Variants in ANTXR1 observed in about 807,000 individuals in gnomAD.
The protein encoded by ANTXR1 is ANTXR cell adhesion molecule 1.
Under a neutral mutation model 78.1 loss-of-function variants are expected in ANTXR1, and 19 were observed. That is an observed-to-expected ratio of 0.24 (90% CI 0.17 to 0.36). ANTXR1 has a LOEUF of 0.36. ANTXR1 is among the 10% of genes least tolerant of loss of function. The pLI, the probability that ANTXR1 is intolerant of heterozygous loss-of-function variation, is 1.00. For synonymous variants in ANTXR1, 273 were observed against 260.5 expected (o/e 1.05, Z -0.46); for missense variants, 518 against 718.6 (o/e 0.72, Z 3.19).
intron 14 of ANTXR1, among the ~76,000 whole-genome samples, chr2:69,174,704 A>T (rs535564506): frequency 2.6e-5 from 4 of 152,356 alleles, no homozygotes; most frequent in South Asian, 2.1e-4. Context: ...TCAGGAAGAA[A>T]GGCAGAGATT....
At chr2:69,232,511 A>G (rs903326567) in intron 17 of ANTXR1, among the ~76,000 whole-genome samples, 29 of 152,094 alleles carry the variant, frequency 1.9e-4, no homozygotes, top group South Asian at 1.4e-3. Context: ...AAAAAAAAAA[A>G]AAGCACTTTG....
intron 17 of ANTXR1, among the ~76,000 whole-genome samples, chr2:69,200,044 A>G (rs1486413267): frequency 6.6e-6 from 1 of 152,178 alleles, no homozygotes; most frequent in African/African-American, 2.4e-5. Context: ...GATGGAATTC[A>G]ATCATCTACC....
intron 16 of ANTXR1, 98 bp downstream of exon 16, chr2:69,182,758 A>C: frequency 2.0e-6 from 3 of 1,492,802 alleles, no homozygotes; most frequent in Non-Finnish European, 2.8e-6. Context: ...CCCAACCTAA[A>C]ACCCAGCTTA....
chr2:69,208,133 G>T (rs1297718438), intron 17 of ANTXR1, among the ~76,000 whole-genome samples: 1 of 152,226 alleles, frequency 6.6e-6, no homozygotes, highest in African/African-American at 2.4e-5. Flanking sequence ...TTGACTTGTA[G>T]CTTGGCTTTC....
rs758089145 is a variant in ANTXR1 at position 69,245,318 on chromosome 2, C to T, written c.1528C>T (p.Pro510Ser). 1 of 1,608,900 alleles carries T rather than the reference C, an allele frequency of 6.2e-7. No homozygotes were observed. Among genetic ancestry groups the T allele is most frequent in the Non-Finnish European group, 8.5e-7 (1 of 1,178,150 alleles). The change falls in exon 18 of 18, where the codon CCC (proline) becomes TCC (serine). Residue 510 changes from proline (P) to serine (S), a missense_variant. Around this residue, in one of 5 missense-constraint regions of ANTXR1, gnomAD observed 192 missense variants for 230.2 expected, o/e 0.83. Coordinates refer to ENST00000303714, the MANE Select transcript of ANTXR1 (RefSeq NM_032208.3). ...CCACACCTCCTCGCCGCCTCCTGCC[C>T]CCATCTACACTCCCCCACCTCCTGC... ...AYHTSSPPPA[P>S]IYTPPPPAPH...
intron 13 of ANTXR1, among the ~76,000 whole-genome samples, chr2:69,155,513 T>G (rs546578761): frequency 6.6e-6 from 1 of 152,320 alleles, no homozygotes; most frequent in East Asian, 1.9e-4. Flanking sequence ...CTCCAGCTAC[T>G]CATAAGTTTG....
intron 11 of ANTXR1, among the ~76,000 whole-genome samples, chr2:69,124,070 A>G (rs1335942808): frequency 1.3e-5 from 2 of 152,208 alleles, no homozygotes; most frequent in Non-Finnish European, 2.9e-5. Flanking sequence ...GTGGGAAGAG[A>G]TGGAAGACAA....
intron 10 of ANTXR1, among the ~76,000 whole-genome samples, chr2:69,117,543 A>T (rs1353215542): frequency 6.6e-6 from 1 of 152,140 alleles, no homozygotes; most frequent in Non-Finnish European, 1.5e-5. Flanking sequence ...TCATTTCCCT[A>T]TTAATTCCTG....
chr2:69,135,476 A>G (rs937198230), intron 12 of ANTXR1, among the ~76,000 whole-genome samples: 2 of 152,168 alleles, frequency 1.3e-5, no homozygotes, highest in African/African-American at 4.8e-5. Flanking sequence ...ATATCCAGCT[A>G]TGTGTGATTT....
chr2:69,100,407 C>T (rs1671570172), intron 9 of ANTXR1, among the ~76,000 whole-genome samples: 1 of 152,290 alleles, frequency 6.6e-6, no homozygotes, highest in African/African-American at 2.4e-5. Flanking sequence ...TCCACCGTCT[C>T]CCCCTGGCCT....
At chr2:69,153,731 T>C (rs1161597124) in intron 13 of ANTXR1, among the ~76,000 whole-genome samples, 1 of 152,202 alleles carries the variant, frequency 6.6e-6, no homozygotes, top group Non-Finnish European at 1.5e-5. Flanking sequence ...AGTGGGTTCT[T>C]AAAGAAGAGT....
At chr2:69,165,018 C>T (rs188343262) in intron 13 of ANTXR1, among the ~76,000 whole-genome samples, 3 of 152,322 alleles carry the variant, frequency 2.0e-5, no homozygotes, top group African/African-American at 7.2e-5. Flanking sequence ...ATTCACAGTT[C>T]TCAAAGTGTG....
At chr2:69,057,739 C>T (rs2104148172) in intron 3 of ANTXR1, among the ~76,000 whole-genome samples, 1 of 152,266 alleles carries the variant, frequency 6.6e-6, no homozygotes, top group East Asian at 1.9e-4. Flanking sequence ...TTGCAAGTTC[C>T]TCACTTTAAA....
At chr2:69,145,947 C>T in intron 12 of ANTXR1, 1 of 985,568 alleles carries the variant, frequency 1.0e-6, no homozygotes, top group Non-Finnish European at 1.2e-6. Flanking sequence ...AAATGTATAC[C>T]TTTGAGAACA....
At chr2:69,165,194 A>G (rs867931087) in intron 13 of ANTXR1, among the ~76,000 whole-genome samples, 41 of 152,238 alleles carry the variant, frequency 2.7e-4, no homozygotes, top group African/African-American at 9.6e-4. Context: ...AAATTAGAGG[A>G]CAAATGCTTC....
At chr2:69,090,348 A>T (rs1321823257) in intron 8 of ANTXR1, among the ~76,000 whole-genome samples, 3 of 151,748 alleles carry the variant, frequency 2.0e-5, no homozygotes, top group African/African-American at 7.3e-5. Flanking sequence ...CCCTGCCTGG[A>T]CCCTAATCCT....
chr2:69,195,680 G>T (rs1032502412), intron 17 of ANTXR1, among the ~76,000 whole-genome samples: 4 of 152,088 alleles, frequency 2.6e-5, no homozygotes, highest in African/African-American at 9.7e-5. Context: ...ACTCTGGGAG[G>T]TGTTTGGTCT....
At chr2:69,042,141 CAGTACA>C (rs1669631495) in intron 2 of ANTXR1, among the ~76,000 whole-genome samples, 1 of 152,262 alleles carries the variant, frequency 6.6e-6, no homozygotes, top group South Asian at 2.1e-4. Context: ...TGGCTGATGC[CAGTACA>C]AGTACATCAT....
chr2:69,121,725 A>G (rs929635399), intron 10 of ANTXR1, among the ~76,000 whole-genome samples: 5 of 152,352 alleles, frequency 3.3e-5, no homozygotes, highest in Non-Finnish European at 4.4e-5. Flanking sequence ...GATTAATGAC[A>G]TAGATCTTAT....
Sources: allele counts gnomAD v4.1 joint callset (sites outside exome capture counted in the v4.1 genomes callset), GRCh38; gene constraint gnomAD v4.1.1; regional missense constraint gnomAD v4.1.1; transcripts MANE v1.5; gene names NCBI Gene and HGNC (gene_info 2026-07-23, HGNC 2026-07-21).